The following GOLIM4 variants were observed in gnomAD, a reference collection of about 807,000 sequenced individuals.
GOLIM4 encodes golgi integral membrane protein 4, also known as 130 kDa golgi-localized phosphoprotein.
In GOLIM4, 71 loss-of-function variants were observed where a neutral mutation model predicts 107.4. The ratio of observed to expected loss-of-function variants is 0.66; its 90% CI spans 0.55 to 0.81. The LOEUF (loss-of-function observed/expected upper bound fraction) is 0.81, where lower values mean the gene tolerates loss of function less well. Among genes scored for constraint, GOLIM4 ranks in the 30% least tolerant of loss-of-function variants. The pLI is 0.00. For synonymous variants in GOLIM4, 327 were observed against 294.8 expected (o/e 1.11, Z -1.12); for missense variants, 830 against 826.1 (o/e 1.00, Z -0.06).
At chr3:168,072,604 A>T (rs1182314234) in intron 1 of GOLIM4, among the ~76,000 whole-genome samples, 1 of 152,098 alleles carries the variant, frequency 6.6e-6, no homozygotes, top group Non-Finnish European at 1.5e-5. Flanking sequence ...ATAAATAGCT[A>T]GACTAAAAAT....
chr3:168,028,374 TTGC>T (rs1027475303), intron 11 of GOLIM4, among the ~76,000 whole-genome samples: 2 of 152,226 alleles, frequency 1.3e-5, no homozygotes, highest in Admixed American at 1.3e-4. Flanking sequence ...AGACATTTAC[TTGC>T]TGCTTTTTGA....
intron 8 of GOLIM4, among the ~76,000 whole-genome samples, chr3:168,036,126 T>C (rs1718638328): frequency 6.6e-6 from 1 of 152,276 alleles, no homozygotes; most frequent in African/African-American, 2.4e-5. Flanking sequence ...CTCATGATCA[T>C]TTAACGTTCT....
intron 12 of GOLIM4, 37 bp downstream of exon 12, chr3:168,027,691 G>C (rs370597666): frequency 1.6e-6 from 2 of 1,214,940 alleles, no homozygotes; most frequent in East Asian, 4.6e-5. Flanking sequence ...CACCTTATGA[G>C]TTTACATGTG....
rs1347124105 is a variant in GOLIM4, at chr3:168,010,021, T to TG, written c.*247dup. 2 of 327,618 alleles carry TG rather than the reference T, an allele frequency of 6.1e-6. No individual in the cohort carries two copies. Among genetic ancestry groups the TG allele is most frequent in the East Asian group, 5.1e-5 (1 of 19,720 alleles). The allele number at this position is 327,618 out of a possible 1,614,324, so 20.3% of individuals were successfully genotyped here. A position where few individuals can be genotyped will look rare whatever the true frequency, so the allele number is the denominator to read the frequency against. On this transcript the variant is annotated 3_prime_UTR_variant, in exon 16 of 16. Coordinates refer to ENST00000470487, the MANE Select transcript of GOLIM4 (RefSeq NM_014498.5). ...ATAATCTATTAAAAAAATTGGGACG[T>TG]GGGGGCTCAGGTTTACTTTATTGTT...
intron 1 of GOLIM4, among the ~76,000 whole-genome samples, chr3:168,069,255 A>T (rs960131903): frequency 2.0e-4 from 30 of 152,174 alleles, no homozygotes; most frequent in African/African-American, 7.2e-4. Flanking sequence ...TTCACACTCA[A>T]TTTTTGGAAG....
chr3:168,010,212 G>C lies in GOLIM4; in HGVS notation c.*57C>G. On this transcript the variant is annotated 3_prime_UTR_variant, in exon 16 of 16. Transcript: ENST00000470487. ...CCTAGAGTTCAGTAGGCAGATTTAT[G>C]TTTGAGCAGCTTGAAAAGAATCCGT... is the stretch of plus-strand genomic sequence containing the variant. 6.6e-7 allele frequency: 1 copy of C among 1,512,424 alleles called. No individual in the cohort carries two copies. Among genetic ancestry groups the C allele is most frequent in the Non-Finnish European group, 9.0e-7 (1 of 1,111,896 alleles). 93.7% of individuals were successfully genotyped at this position (1,512,424 alleles called of 1,614,324 possible). A position where few individuals can be genotyped will look rare whatever the true frequency, so the allele number is the denominator to read the frequency against.
chr3:168,038,847 G>A (rs1718808834), intron 7 of GOLIM4, among the ~76,000 whole-genome samples: 1 of 152,176 alleles, frequency 6.6e-6, no homozygotes, highest in Non-Finnish European at 1.5e-5. Context: ...CAGGAGGCAG[G>A]GCCTTTGGGA....
intron 1 of GOLIM4, among the ~76,000 whole-genome samples, chr3:168,076,688 C>CTCAA (rs138139668): frequency 1.7e-3 from 255 of 152,212 alleles, no homozygotes; most frequent in South Asian, 4.8e-3. Flanking sequence ...GAGACTCCAT[C>CTCAA]TCAATCAATC....
At chr3:168,012,726 G>T (rs923075206) in intron 14 of GOLIM4, among the ~76,000 whole-genome samples, 11 of 152,002 alleles carry the variant, frequency 7.2e-5, no homozygotes, top group African/African-American at 2.4e-4. Flanking sequence ...GAGAGTGGGG[G>T]CCAATATTCA....
intron 12 of GOLIM4, among the ~76,000 whole-genome samples, chr3:168,027,109 G>C (rs114807873): frequency 0.011 from 1,636 of 151,724 alleles, 37 homozygotes; most frequent in African/African-American, 0.037. Context: ...AGCTGAACTA[G>C]AGGTCTCAGT....
At chr3:168,027,904 G>A (rs916402485) in intron 11 of GOLIM4, 67 bp from the exon 12 acceptor site, 1 of 1,029,936 alleles carries the variant, frequency 9.7e-7, no homozygotes, top group Non-Finnish European at 1.5e-6. Flanking sequence ...TCAACTCAAA[G>A]AAAAGCCACC....
chr3:168,028,977 A>T (rs1718158845), intron 11 of GOLIM4, among the ~76,000 whole-genome samples: 1 of 152,222 alleles, frequency 6.6e-6, no homozygotes, highest in South Asian at 2.1e-4. Flanking sequence ...AAATATTATA[A>T]ATATTTAGTA....
chr3:168,048,246 A>G (rs1297174409), intron 2 of GOLIM4, 45 bp downstream of exon 2: 1 of 988,088 alleles, frequency 1.0e-6, no homozygotes, highest in East Asian at 2.5e-5. Context: ...TACGTCAAAG[A>G]AGAGTACTGG....
At chr3:168,080,777 A>T (rs1329359528) in intron 1 of GOLIM4, among the ~76,000 whole-genome samples, 1 of 152,070 alleles carries the variant, frequency 6.6e-6, no homozygotes, top group Non-Finnish European at 1.5e-5. Flanking sequence ...AACGTTGGAA[A>T]TCTAGATGTT....
chr3:168,029,351 C>T (rs749360610), intron 10 of GOLIM4, 49 bp from the exon 11 acceptor site: 15 of 1,113,184 alleles, frequency 1.3e-5, no homozygotes, highest in Non-Finnish European at 2.0e-5. Flanking sequence ...AATTCAGAGG[C>T]ACAGTTTGAC....
chr3:168,070,876 C>A (rs554626538), intron 1 of GOLIM4, among the ~76,000 whole-genome samples: 16 of 152,252 alleles, frequency 1.1e-4, no homozygotes, highest in Non-Finnish European at 1.8e-4. Context: ...AACTTCTATA[C>A]CTTTAATAAT....
At chr3:168,042,972 A>C (rs1250359560) in intron 5 of GOLIM4, among the ~76,000 whole-genome samples, 1 of 152,190 alleles carries the variant, frequency 6.6e-6, no homozygotes, top group Non-Finnish European at 1.5e-5. Context: ...GATCAACAGC[A>C]AGTCTCTGCT....
At chr3:168,028,025 G>A (rs1307669957) in intron 11 of GOLIM4, among the ~76,000 whole-genome samples, 188 bp from the exon 12 acceptor site, 2 of 152,204 alleles carry the variant, frequency 1.3e-5, no homozygotes, top group Admixed American at 6.5e-5. Context: ...TGTGTGTCTA[G>A]AGAGATGATA....
chr3:168,026,977 A>G lies in GOLIM4; in HGVS notation c.1623+751T>C, dbSNP rs962946037. Among the ~76,000 whole-genome samples the G allele has an allele frequency of 2.6e-5, 4 of 152,332 alleles. No homozygotes were observed. The East Asian group carries it at 7.7e-4, about 29-fold the overall frequency. ...TTATAAACATGGTAGTTGATCTATT[A>G]GCAAGAGATGACAGGGCAGCTAAAA... On this transcript the variant is annotated intron_variant, in intron 12 of 15. Transcript: ENST00000470487.
Sources: gnomAD v4.1 joint callset for allele counts (sites outside exome capture counted in the v4.1 genomes callset) on GRCh38, gnomAD v4.1.1 for gene constraint, MANE v1.5 for transcripts, NCBI Gene and HGNC (gene_info 2026-07-23, HGNC 2026-07-21) for gene names.